Variants in KIF7 observed in about 807,000 individuals in gnomAD.
The protein encoded by KIF7 is kinesin-like protein KIF7.
In KIF7, 104 loss-of-function variants were observed where a neutral mutation model predicts 135.7. The observed-to-expected ratio is 0.77, with a 90% CI of 0.65 to 0.90. The LOEUF (loss-of-function observed/expected upper bound fraction) is 0.90, where lower values mean the gene tolerates loss of function less well. Among genes scored for constraint, KIF7 ranks in the 40% least tolerant of loss-of-function variants. The probability of loss-of-function intolerance (pLI) is 0.00; values close to 1 mark genes in which losing one functional copy is unlikely to be tolerated. For missense variants in KIF7, 2,005 were observed against 1,839.1 expected (o/e 1.09, Z -1.65); for synonymous variants, 883 against 809.4 (o/e 1.09, Z -1.54).
At chr15:89,645,512 C>A in intron 8 of KIF7, 61 bp from the exon 9 acceptor site, 1 of 1,370,522 alleles carries the variant, frequency 7.3e-7, no homozygotes. Context: ...CTAGCCACCC[C>A]CAGGCCTGGA....
At chr15:89,637,685 A>G (rs1963837573) in intron 11 of KIF7, among the ~76,000 whole-genome samples, 1 of 146,368 alleles carries the variant, frequency 6.8e-6, no homozygotes, top group Admixed American at 6.9e-5. Context: ...TCAATAGCTT[A>G]CCAACCAAAA....
intron 1 of KIF7, among the ~76,000 whole-genome samples, chr15:89,618,734 G>A (rs1452155876): frequency 6.6e-6 from 1 of 152,242 alleles, no homozygotes; most frequent in East Asian, 1.9e-4. Flanking sequence ...GCCAAGTGGG[G>A]AGGATCACTG....
downstream of KIF7, chr15:89,625,901 G>T: frequency 6.5e-7 from 1 of 1,545,668 alleles, no homozygotes. Context: ...TTGGGGGTCT[G>T]GGGACGCTGC....
chr15:89,641,906 G>C (rs2142016308), intron 11 of KIF7, among the ~76,000 whole-genome samples: 1 of 152,276 alleles, frequency 6.6e-6, no homozygotes, highest in African/African-American at 2.4e-5. Flanking sequence ...GAGCTGAAAG[G>C]GGGACCGGGA....
At chr15:89,632,604 T>G (rs1963703738) in intron 14 of KIF7, among the ~76,000 whole-genome samples, 1 of 152,142 alleles carries the variant, frequency 6.6e-6, no homozygotes, top group South Asian at 2.1e-4. Flanking sequence ...GTCTGGAACT[T>G]ACCTGGCAGA....
At chr15:89,646,107 C>T (rs752210402) in intron 7 of KIF7, 81 bp from the exon 8 acceptor site, 25 of 1,543,312 alleles carry the variant, frequency 1.6e-5, no homozygotes, top group Non-Finnish European at 2.0e-5. Context: ...CATATCTCTC[C>T]CTCCTCAAGC....
At chr15:89,633,053 G>C (rs1046137007) in intron 13 of KIF7, 57 bp from the exon 14 acceptor site, 3 of 1,582,358 alleles carry the variant, frequency 1.9e-6, no homozygotes, top group Non-Finnish European at 2.6e-6. Flanking sequence ...GGCTGTGTCA[G>C]CCGCCACTCG....
chr15:89,618,987 A>T (rs1194786460), intron 1 of KIF7, among the ~76,000 whole-genome samples: 1 of 152,146 alleles, frequency 6.6e-6, no homozygotes, highest in Non-Finnish European at 1.5e-5. Context: ...AGTATACATG[A>T]TGAAGGAGGG....
Position 89,648,399 on chromosome 15 carries a change from G to A in KIF7, c.1299C>T (p.Pro433=), listed in dbSNP as rs921943205. The change falls in exon 5 of 19, where the codon CCC becomes CCT. Residue 433 remains proline (P), a synonymous_variant. Coordinates refer to ENST00000394412, the MANE Select transcript of KIF7 (RefSeq NM_198525.3). ...LRELQAEPGL[P]GAAARKVRDW... ...CGCGCACCTTGCGGGCGGCGGCGCC[G>A]GGCAGCCCGGGCTCGGCCTGCAGCT... 5 of 1,151,828 alleles carry A rather than the reference G, an allele frequency of 4.3e-6. No homozygotes were observed. Among genetic ancestry groups the A allele is most frequent in the Non-Finnish European group, 4.3e-6 (4 of 935,996 alleles). 71.4% of individuals were successfully genotyped at this position (1,151,828 alleles called of 1,614,324 possible).
chr15:89,632,339 C>T (rs1963697779), intron 14 of KIF7, among the ~76,000 whole-genome samples: 2 of 152,206 alleles, frequency 1.3e-5, no homozygotes, highest in South Asian at 2.1e-4. Context: ...AGCTGACCTT[C>T]CTATTCTAGA....
intron 12 of KIF7, 56 bp downstream of exon 12, chr15:89,633,630 C>T (rs866421858): frequency 1.7e-5 from 27 of 1,571,232 alleles, no homozygotes; most frequent in Middle Eastern, 2.3e-4. Context: ...CTGGCTGGGC[C>T]GCCAGCTCAG....
downstream of KIF7, chr15:89,623,550 A>T: frequency 7.0e-7 from 1 of 1,430,952 alleles, no homozygotes; most frequent in Admixed American, 2.2e-5. Flanking sequence ...ATTTGGTCTT[A>T]GAGATTACTA....
At chr15:89,625,690 A>C (rs1327423388), downstream of KIF7, 7 of 1,613,728 alleles carry the variant, frequency 4.3e-6, no homozygotes, top group Non-Finnish European at 5.9e-6. Flanking sequence ...CTGTGACCTG[A>C]GAGAAGATTC....
chr15:89,625,905 A>T, downstream of KIF7: 1 of 1,545,956 alleles, frequency 6.5e-7, no homozygotes, highest in Middle Eastern at 1.9e-4. Context: ...GGGTCTGGGG[A>T]CGCTGCTCTT....
At chr15:89,653,056 G>A (rs1384546706) in intron 1 of KIF7, 102 bp from the exon 2 acceptor site, 1 of 945,274 alleles carries the variant, frequency 1.1e-6, no homozygotes. Flanking sequence ...CCTGACCTTG[G>A]AGGGATTGGG....
At chr15:89,625,269 T>A, downstream of KIF7, 1 of 1,613,440 alleles carries the variant, frequency 6.2e-7, no homozygotes, top group Admixed American at 1.7e-5. Flanking sequence ...CCCACGGCCC[T>A]TCTAGTACCC....
chr15:89,647,821 T>C, intron 5 of KIF7, 109 bp from the exon 6 acceptor site: 1 of 899,716 alleles, frequency 1.1e-6, no homozygotes, highest in Non-Finnish European at 1.7e-6. Context: ...AAGCCCTACC[T>C]GCAGTGGGAA....
chr15:89,636,189 G>C (rs557249256), intron 11 of KIF7, among the ~76,000 whole-genome samples: 1 of 151,962 alleles, frequency 6.6e-6, no homozygotes, highest in Non-Finnish European at 1.5e-5. Flanking sequence ...CGCTAAACAT[G>C]GAAAGGAACA....
intron 15 of KIF7, chr15:89,630,769 A>C: frequency 3.5e-5 from 18 of 515,102 alleles, no homozygotes; most frequent in East Asian, 7.1e-5. Flanking sequence ...AACCAAACAA[A>C]AGGCATGGTT....
Sources: allele counts gnomAD v4.1 joint callset (sites outside exome capture counted in the v4.1 genomes callset), GRCh38; gene constraint gnomAD v4.1.1; transcripts MANE v1.5; gene names NCBI Gene and HGNC (gene_info 2026-07-23, HGNC 2026-07-21).